The following NLRC4 variants were observed in gnomAD, a reference collection of about 807,000 sequenced individuals.
NLRC4 encodes the protein NLR family CARD domain-containing protein 4.
A neutral mutation model predicts 79.9 loss-of-function variants in NLRC4; 63 were observed. The observed-to-expected ratio is 0.79, with a 90% CI of 0.64 to 0.97. The LOEUF (loss-of-function observed/expected upper bound fraction) is 0.97. NLRC4 is among the 50% of genes least tolerant of loss of function. The pLI, the probability that NLRC4 is intolerant of heterozygous loss-of-function variation, is 0.00. For synonymous variants in NLRC4, 461 were observed against 456.5 expected, an observed-to-expected ratio of 1.01 and a Z score of -0.12; for missense variants, 1,074 against 1,215.2, an observed-to-expected ratio of 0.88 and a Z score of 1.73.
At chr2:32,247,210 G>A (rs949166155) in intron 4 of NLRC4, among the ~76,000 whole-genome samples, 3 of 152,326 alleles carry the variant, frequency 2.0e-5, no homozygotes, top group Non-Finnish European at 2.9e-5. Flanking sequence ...AGGGCAGGGT[G>A]CCACTTGGCA....
intron 2 of NLRC4, among the ~76,000 whole-genome samples, chr2:32,255,780 C>T (rs1174748788): frequency 2.6e-5 from 4 of 151,880 alleles, no homozygotes; most frequent in Admixed American, 6.6e-5. Flanking sequence ...TTTGGGAGGC[C>T]GAGGCGGGTG....
intron 1 of NLRC4, 106 bp from the exon 2 acceptor site, chr2:32,256,999 C>A (rs1687221930): frequency 4.1e-6 from 2 of 489,948 alleles, no homozygotes; most frequent in Admixed American, 3.4e-5. Flanking sequence ...TGACCCAAAC[C>A]AGAAAAAAAC....
Position 32,250,627 on chromosome 2 carries a change from C to T in NLRC4, c.1237G>A (p.Val413Met), listed in dbSNP as rs1558457556. The change falls in exon 4 of 9, where the codon GTG becomes ATG. Residue 413 changes from valine (V) to methionine (M), a missense_variant. Physicochemically the swap from Val to Met is conservative, Grantham distance 21. Coordinates refer to ENST00000402280, the MANE Select transcript of NLRC4 (RefSeq NM_001199138.2). This position sits in a 1 kb window ranked among gnomAD's most constrained non-coding sequence, Gnocchi z 4.9. ...AGGACATCCTCATTCACGCTGGACA[C>T]ATCCTGCAGTTCGAAATCAAACTTG... The part of the protein sequence containing the change: ...SHKFDFELQD[V>M]SSVNEDVLLT... 3.7e-6 allele frequency: 6 copies of T among 1,614,170 alleles called. No homozygotes were observed. Among genetic ancestry groups the T allele is most frequent in the Non-Finnish European group, 5.1e-6 (6 of 1,180,032 alleles).
In NLRC4 at chr2:32,250,280, G is replaced by C; in HGVS notation, c.1584C>G (p.Leu528=). 1 of 1,614,182 alleles carries C rather than the reference G, an allele frequency of 6.2e-7. No individual in the cohort carries two copies. The highest frequency in any genetic ancestry group is 8.5e-7 in the Non-Finnish European group (1 of 1,180,038). ...LLGLSIAKRP[L]WRQESLQSVK... ...CACTTTGCAAAGATTCCTGTCTCCAGAGAGGCCTCTTGGCGATGGAAAGTC... is the reference window on the plus strand; with the variant it reads ...CACTTTGCAAAGATTCCTGTCTCCACAGAGGCCTCTTGGCGATGGAAAGTC... The change falls in exon 4 of 9, where the codon CTC becomes CTG. Residue 528 remains leucine (L), a synonymous_variant. Coordinates refer to ENST00000402280, the MANE Select transcript of NLRC4 (RefSeq NM_001199138.2). This position sits in a 1 kb window ranked among gnomAD's most constrained non-coding sequence, Gnocchi z 4.9.
intron 4 of NLRC4, among the ~76,000 whole-genome samples, chr2:32,243,987 C>T (rs1021768985): frequency 1.3e-5 from 2 of 152,092 alleles, no homozygotes; most frequent in Non-Finnish European, 2.9e-5. Context: ...AGGTGGCTCA[C>T]GCCTGTAATC....
chr2:32,227,334 C>T (rs1240317615), intron 8 of NLRC4, among the ~76,000 whole-genome samples: 2 of 152,202 alleles, frequency 1.3e-5, no homozygotes, highest in Non-Finnish European at 2.9e-5. Flanking sequence ...GTAGCCTATG[C>T]CCAGCCCAAA....
chr2:32,261,316 C>CTTTTTTTTTT lies in NLRC4; in HGVS notation c.-119+3421_-119+3422insAAAAAAAAAA, dbSNP rs751434892. ...TTCTTTCGCCTATTAAGCCTCCCCC[C>CTTTTTTTTTT]TTTTGTTTTTTTTTGAGATGGAGCC... is the stretch of plus-strand genomic sequence containing the variant. On this transcript the variant is annotated intron_variant, in intron 1 of 8. Coordinates refer to ENST00000402280, the MANE Select transcript of NLRC4 (RefSeq NM_001199138.2). Among the ~76,000 whole-genome samples, 264 of 96,780 alleles carry CTTTTTTTTTT rather than the reference C, an allele frequency of 2.7e-3. 37 individuals carry two copies. Among genetic ancestry groups the CTTTTTTTTTT allele is most frequent in the African/African-American group, 3.8e-3 (93 of 24,200 alleles). The allele number at this position is 96,780 out of a possible 152,430, so 63.5% of individuals were successfully genotyped here.
At position 32,241,065 on chromosome 2, in the gene NLRC4, A is replaced by G. The variant is rs1355352208; in HGVS notation, c.2318T>C (p.Ile773Thr). The change falls in exon 5 of 9, where the codon ATA becomes ACA. Residue 773 changes from isoleucine (I) to threonine (T), a missense_variant. By Grantham distance (89) the Ile-to-Thr change is moderately conservative (BLOSUM62 -1). Coordinates refer to ENST00000402280, the MANE Select transcript of NLRC4 (RefSeq NM_001199138.2). ...KNLTKLIMDN[I>T]KMNEEDAIKL... ...TATAGCATCTTCTTCATTCATCTTT[A>G]TGTTATCCATTATGAGCTTTGTAAG... 4 of 1,607,754 alleles carry G rather than the reference A, an allele frequency of 2.5e-6. No individual in the cohort carries two copies. Among genetic ancestry groups the G allele is most frequent in the Non-Finnish European group, 3.4e-6 (4 of 1,174,916 alleles).
At chr2:32,231,590 GA>G (rs1686540371) in intron 8 of NLRC4, among the ~76,000 whole-genome samples, 1 of 111,736 alleles carries the variant, frequency 8.9e-6, no homozygotes, top group African/African-American at 3.2e-5. Flanking sequence ...GGGGGTGGGG[GA>G]CTGGGTGTCA....
intron 5 of NLRC4, among the ~76,000 whole-genome samples, chr2:32,239,728 G>A (rs1686752175): frequency 6.6e-6 from 1 of 152,156 alleles, no homozygotes. Context: ...GCAGAAGCAG[G>A]CTATCCTAGA....
chr2:32,232,416 A>G (rs1048159458), intron 8 of NLRC4, among the ~76,000 whole-genome samples: 7 of 152,232 alleles, frequency 4.6e-5, no homozygotes, highest in African/African-American at 9.6e-5. Context: ...AAATTTAAGG[A>G]CAATCCAGGC....
intron 8 of NLRC4, among the ~76,000 whole-genome samples, chr2:32,233,349 A>ATATATATATATATATATAT (rs1418146489): frequency 1.5e-4 from 6 of 41,100 alleles, no homozygotes; most frequent in Admixed American, 3.9e-4. Context: ...ATATATATAT[A>ATATATATATATATATATAT]TTTTTTTTTT....
intron 4 of NLRC4, 47 bp downstream of exon 4, chr2:32,249,560 A>AT (rs768744114): frequency 3.8e-4 from 519 of 1,378,900 alleles, no homozygotes; most frequent in Non-Finnish European, 4.1e-4. Context: ...ATACACTGTT[A>AT]TTTTTTTTTA....
intron 8 of NLRC4, 31 bp downstream of exon 8, chr2:32,235,370 A>T: frequency 6.4e-7 from 1 of 1,559,148 alleles, no homozygotes; most frequent in East Asian, 2.3e-5. Flanking sequence ...GGCCAAATCC[A>T]GTTATCTTGG....
Position 32,224,656 on chromosome 2 carries a change from A to T in NLRC4, c.2892T>A (p.Leu964=). Reference sequence around the variant, plus strand: ...TAAAGTCAAAAAACACTAATTGCTTAAGATTCTCAAATACACCCATGAAGG... The same window carrying T: ...TAAAGTCAAAAAACACTAATTGCTTTAGATTCTCAAATACACCCATGAAGG... ...WLAFMGVFEN[L]KQLVFFDFST... Residue 964 remains leucine (L), a synonymous_variant, in exon 9 of 9, where the codon CTT becomes CTA. Coordinates refer to ENST00000402280, the MANE Select transcript of NLRC4 (RefSeq NM_001199138.2). 1 of 1,613,328 alleles carries T rather than the reference A, an allele frequency of 6.2e-7. No individual in the cohort carries two copies. The highest frequency in any genetic ancestry group is 8.5e-7 in the Non-Finnish European group (1 of 1,179,330).
In NLRC4 at chr2:32,252,891, G is replaced by A. The variant is rs199476292; in HGVS notation, c.2-212C>T. Among the ~76,000 whole-genome samples the A allele has an allele frequency of 3.4e-3, 518 of 152,020 alleles. 2 individuals carry two copies. The highest frequency in any genetic ancestry group is 4.9e-3 in the Non-Finnish European group (334 of 67,982). ...AAATTAGCCGGGCGTGGTGGCGGGC[G>A]CCTGTAGTCCCAGCTACTTGGGAGG... On this transcript the variant is annotated intron_variant, in intron 2 of 8. Coordinates refer to ENST00000402280, the MANE Select transcript of NLRC4 (RefSeq NM_001199138.2).
At chr2:32,261,316 C>CCTTTTTTTTTTTTTTTTTTTTTT in intron 1 of NLRC4, among the ~76,000 whole-genome samples, 7 of 96,884 alleles carry the variant, frequency 7.2e-5, no homozygotes, top group African/African-American at 1.7e-4. Context: ...AGCCTCCCCC[C>CCTTTTTTTTTTTTTTTTTTTTTT]TTTTGTTTTT....
At chr2:32,233,345 A>ATTT (rs1241686037) in intron 8 of NLRC4, among the ~76,000 whole-genome samples, 4 of 63,750 alleles carry the variant, frequency 6.3e-5, no homozygotes, top group African/African-American at 3.0e-4. Flanking sequence ...ATATATATAT[A>ATTT]TATATTTTTT....
In NLRC4 at chr2:32,251,298, C is replaced by G. The variant is rs1391592959; in HGVS notation, c.566G>C (p.Gly189Ala). The change falls in exon 4 of 9, where the codon GGA (glycine) becomes GCA (alanine). Residue 189 changes from glycine to alanine, a missense_variant. Gly to Ala is a moderately conservative substitution (Grantham distance 60). Coordinates refer to ENST00000402280, the MANE Select transcript of NLRC4 (RefSeq NM_001199138.2). ...GAACTTGGTCAGAGCCTTGCACTTTCCGGAGCCCCAGAGCATGGCAATTCG... is the reference window on the plus strand; with the variant it reads ...GAACTTGGTCAGAGCCTTGCACTTTGCGGAGCCCCAGAGCATGGCAATTCG... Reference protein sequence around the residue: ...LQRIAMLWGSGKCKALTKFKF... With the variant: ...LQRIAMLWGSAKCKALTKFKF... The G allele has an allele frequency of 6.2e-7, 1 of 1,614,132 alleles. No homozygotes were observed. The highest frequency in any genetic ancestry group is 2.2e-5 in the East Asian group (1 of 44,860).
Sources: gnomAD v4.1 joint callset for allele counts (sites outside exome capture counted in the v4.1 genomes callset) on GRCh38, gnomAD v4.1.1 for gene constraint, Gnocchi (gnomAD v3.1) non-coding constraint, MANE v1.5 for transcripts, NCBI Gene and HGNC (gene_info 2026-07-23, HGNC 2026-07-21) for gene names.